The following RAVER2 variants were observed in gnomAD, a reference collection of about 807,000 sequenced individuals.
The protein encoded by RAVER2 is ribonucleoprotein, PTB binding 2.
A neutral mutation model predicts 78.1 loss-of-function variants in RAVER2; 46 were observed. The observed-to-expected ratio is 0.59, with a 90% CI of 0.46 to 0.75. The LOEUF is 0.75. Among genes scored for constraint, RAVER2 ranks in the 30% least tolerant of loss-of-function variants. RAVER2 has a pLI of 0.00. For missense variants in RAVER2, 793 were observed against 837.5 expected (o/e 0.95, Z 0.66); for synonymous variants, 311 against 313.3 (o/e 0.99, Z 0.08).
intron 2 of RAVER2, among the ~76,000 whole-genome samples, chr1:64,773,470 G>T (rs1386597251): frequency 6.6e-6 from 1 of 152,074 alleles, no homozygotes; most frequent in Non-Finnish European, 1.5e-5. Context: ...TGAGAATGAT[G>T]GTTTCCAGCT....
intron 2 of RAVER2, among the ~76,000 whole-genome samples, chr1:64,773,578 C>G (rs1652380424): frequency 6.6e-6 from 1 of 152,154 alleles, no homozygotes; most frequent in Non-Finnish European, 1.5e-5. Context: ...TCCAGTCTAT[C>G]ATTGTTGGAC....
Position 64,745,463 on chromosome 1 carries a change from C to T in RAVER2, c.249+42C>T, listed in dbSNP as rs1204757116. The T allele has an allele frequency of 3.4e-6, 5 of 1,479,818 alleles. No individual in the cohort carries two copies. Among genetic ancestry groups the T allele is most frequent in the Non-Finnish European group, 3.6e-6 (4 of 1,104,818 alleles). The allele number at this position is 1,479,818 out of a possible 1,614,324, so 91.7% of individuals were successfully genotyped here. On this transcript the variant is annotated intron_variant, in intron 1 of 11. Coordinates refer to ENST00000294428, the Ensembl canonical transcript of RAVER2. This position sits in a 1 kb window ranked among gnomAD's most constrained non-coding sequence, Gnocchi z 4.3. Reference sequence around the variant, plus strand: ...AGGGGCGACGCGTCCCGAGGGGCGGCGGGGCGGCGCTCCGTGTCCAGGCTG... The same window carrying T: ...AGGGGCGACGCGTCCCGAGGGGCGGTGGGGCGGCGCTCCGTGTCCAGGCTG...
intron 1 of RAVER2, among the ~76,000 whole-genome samples, chr1:64,754,895 G>A (rs1434204471): frequency 3.3e-5 from 5 of 152,180 alleles, no homozygotes; most frequent in African/African-American, 4.8e-5. Flanking sequence ...TTTGGGTAGT[G>A]ATCCTTTATC....
chr1:64,828,208 T>A (rs1027158620), intron 11 of RAVER2, among the ~76,000 whole-genome samples: 1 of 124,500 alleles, frequency 8.0e-6, no homozygotes, highest in Non-Finnish European at 1.6e-5. Context: ...CTTTAGCACT[T>A]CACTTCTATT....
chr1:64,763,115 C>A (rs1481710934), intron 1 of RAVER2, among the ~76,000 whole-genome samples: 2 of 151,922 alleles, frequency 1.3e-5, no homozygotes, highest in African/African-American at 4.8e-5. Flanking sequence ...CGAGACCATC[C>A]TGGCTAACAC....
At chr1:64,831,254 T>C (rs1654121052) in exon 12 of RAVER2, 3 of 263,128 alleles carry the variant, frequency 1.1e-5, no homozygotes, top group Non-Finnish European at 1.4e-5. Context: ...TGTTCCAATA[T>C]TCCTTGATTT....
chr1:64,796,066 G>A (rs1653087387), intron 5 of RAVER2, among the ~76,000 whole-genome samples: 1 of 151,778 alleles, frequency 6.6e-6, no homozygotes, highest in Non-Finnish European at 1.5e-5. Context: ...TTTCCTATCT[G>A]TTAACATGAT....
chr1:64,810,202 C>T (rs1653565689), intron 9 of RAVER2, among the ~76,000 whole-genome samples: 1 of 152,162 alleles, frequency 6.6e-6, no homozygotes, highest in South Asian at 2.1e-4. Context: ...TAGCAGTGCA[C>T]AGGGATTCTA....
intron 11 of RAVER2, among the ~76,000 whole-genome samples, chr1:64,830,288 A>G (rs1654092618): frequency 6.6e-6 from 1 of 152,178 alleles, no homozygotes; most frequent in African/African-American, 2.4e-5. Flanking sequence ...CTGCATTTTA[A>G]TATGCTCGCC....
At chr1:64,779,737 C>T (rs1447845872) in intron 3 of RAVER2, among the ~76,000 whole-genome samples, 2 of 150,916 alleles carry the variant, frequency 1.3e-5, no homozygotes, top group African/African-American at 4.9e-5. Flanking sequence ...GAAGCAGATG[C>T]GAAGAGAAAA....
rs772833975 is a variant in RAVER2, at chr1:64,807,320, AG to A, written c.1527del (p.Lys510AsnfsTer48). On this transcript the variant is annotated frameshift_variant, in exon 9 of 12. Transcript: ENST00000294428. LOFTEE classifies it high-confidence loss of function. ...GGGCCAGGGCACAGTAATACTCAGG[AG>A]AAACAGCCAGCCACGGTGGGAATGG... The A allele has an allele frequency of 1.9e-6, 3 of 1,614,138 alleles. No individual in the cohort carries two copies. The highest frequency in any genetic ancestry group is 2.5e-6 in the Non-Finnish European group (3 of 1,180,022).
chr1:64,801,202 A>G (rs1478396644), intron 5 of RAVER2, among the ~76,000 whole-genome samples: 1 of 151,642 alleles, frequency 6.6e-6, no homozygotes, highest in African/African-American at 2.4e-5. Flanking sequence ...AGCCTCAAGC[A>G]GTTCTCCTGC....
chr1:64,813,775 TA>T (rs1227954120), intron 10 of RAVER2, among the ~76,000 whole-genome samples: 1 of 151,830 alleles, frequency 6.6e-6, no homozygotes, highest in African/African-American at 2.4e-5. Flanking sequence ...TGACAATTAT[TA>T]CATTTATAAG....
At chr1:64,784,611 G>A (rs934795495) in intron 4 of RAVER2, among the ~76,000 whole-genome samples, 2 of 152,084 alleles carry the variant, frequency 1.3e-5, no homozygotes, top group African/African-American at 2.4e-5. Context: ...ACTAAATTAT[G>A]TTTCCAAGGG....
intron 2 of RAVER2, among the ~76,000 whole-genome samples, chr1:64,770,348 A>C (rs146218370): frequency 2.0e-4 from 31 of 152,122 alleles, no homozygotes; most frequent in African/African-American, 7.2e-4. Context: ...AATAATCAGA[A>C]AGTTTTTGCT....
At chr1:64,775,557 A>T (rs945830818) in intron 2 of RAVER2, among the ~76,000 whole-genome samples, 3 of 152,206 alleles carry the variant, frequency 2.0e-5, no homozygotes, top group African/African-American at 7.2e-5. Context: ...GCGGCCACAC[A>T]TTGAGTAACA....
At chr1:64,802,737 A>T (rs1653303140) in intron 5 of RAVER2, among the ~76,000 whole-genome samples, 2 of 152,184 alleles carry the variant, frequency 1.3e-5, no homozygotes, top group African/African-American at 4.8e-5. Context: ...AATTAAGCCT[A>T]GGTTTGGAGT....
At chr1:64,814,937 G>C (rs3790529) in intron 11 of RAVER2, 97 bp downstream of exon 11, 3 of 1,123,612 alleles carry the variant, frequency 2.7e-6, no homozygotes, top group South Asian at 2.8e-5. Flanking sequence ...TATTATTAAC[G>C]TAGGCAAATC....
intron 3 of RAVER2, among the ~76,000 whole-genome samples, chr1:64,780,436 T>G (rs1652597159): frequency 6.6e-6 from 1 of 152,124 alleles, no homozygotes; most frequent in African/African-American, 2.4e-5. Context: ...AAATTTGATC[T>G]AAATATACAA....
Sources: gnomAD v4.1 joint callset for allele counts (sites outside exome capture counted in the v4.1 genomes callset) on GRCh38, gnomAD v4.1.1 for gene constraint, Gnocchi (gnomAD v3.1) non-coding constraint, MANE v1.5 for transcripts, NCBI Gene and HGNC (gene_info 2026-07-23, HGNC 2026-07-21) for gene names.